The following ZBTB20 variants were observed in gnomAD, a reference collection of about 807,000 sequenced individuals.
ZBTB20 encodes zinc finger and BTB domain-containing protein 20.
In ZBTB20, 9 loss-of-function variants were observed where a neutral mutation model predicts 56.9. The observed-to-expected ratio is 0.16, with a 90% confidence interval of 0.10 to 0.28. ZBTB20 has a LOEUF of 0.28. Ranked by LOEUF, ZBTB20 falls within the 10% of genes least tolerant of loss-of-function variation. The pLI, the probability that ZBTB20 is intolerant of heterozygous loss-of-function variation, is 1.00. For synonymous variants in ZBTB20, 417 were observed against 420.7 expected (o/e 0.99, Z 0.11); for missense variants, 655 against 1,003.0 (o/e 0.65, Z 4.69).
In ZBTB20 at chr3:114,350,540, G is replaced by C; in HGVS notation, c.1538C>G (p.Thr513Ser). 6.2e-7 allele frequency: 1 copy of C among 1,614,172 alleles called. No homozygotes were observed. Among genetic ancestry groups the C allele is most frequent in the Non-Finnish European group, 8.5e-7 (1 of 1,180,022 alleles). ...GGGGCCACTGCCCGCGGGCTGGGTA[G>C]TGAAGAGGGCTGGCAGGTAGGTGTT... is the stretch of plus-strand genomic sequence containing the variant. ...AGNTYLPALF[T>S]TQPAGSGPKP... Residue 513 changes from threonine (T) to serine (S), a missense_variant, in exon 11 of 12, where the codon ACT (threonine) becomes AGT (serine). Around this residue, in one of 10 missense-constraint regions of ZBTB20, gnomAD observed 71 missense variants for 89.4 expected, o/e 0.79. Coordinates refer to ENST00000675478, the MANE Select transcript of ZBTB20 (RefSeq NM_001348800.3).
At chr3:114,611,254 A>C (rs1327873651) in intron 6 of ZBTB20, among the ~76,000 whole-genome samples, 1 of 152,226 alleles carries the variant, frequency 6.6e-6, no homozygotes, top group East Asian at 1.9e-4. Flanking sequence ...CGGCAGTCCT[A>C]TCTATACCGG....
chr3:114,410,514 C>A (rs558714478), intron 7 of ZBTB20, among the ~76,000 whole-genome samples: 1 of 152,222 alleles, frequency 6.6e-6, no homozygotes, highest in South Asian at 2.1e-4. Flanking sequence ...TCTGCATTCT[C>A]CAGAACAAAA....
chr3:115,047,902 C>T (rs2081390774), intron 2 of ZBTB20, among the ~76,000 whole-genome samples: 1 of 152,092 alleles, frequency 6.6e-6, no homozygotes, highest in African/African-American at 2.4e-5. Flanking sequence ...TTGCAATAAA[C>T]AAAACTAATA....
intron 3 of ZBTB20, among the ~76,000 whole-genome samples, chr3:114,911,172 T>G (rs2075522494): frequency 6.6e-6 from 1 of 151,890 alleles, no homozygotes; most frequent in Admixed American, 6.6e-5. Context: ...TAGGGGGTTG[T>G]GAACACTAGT....
chr3:114,354,584 TTTG>T (rs1218929909), intron 10 of ZBTB20, among the ~76,000 whole-genome samples: 1 of 34,460 alleles, frequency 2.9e-5, no homozygotes, highest in Non-Finnish European at 8.8e-5. Context: ...TTTTGTTTTG[TTTG>T]TTTTTTTTTT....
intron 7 of ZBTB20, among the ~76,000 whole-genome samples, chr3:114,390,907 T>C (rs2085807435): frequency 1.3e-5 from 2 of 152,196 alleles, no homozygotes; most frequent in South Asian, 4.1e-4. Context: ...CTGTTCCTTC[T>C]CTAGACGTCC....
At chr3:114,844,330 A>AATATATATATATATATATAT (rs71146341) in intron 4 of ZBTB20, among the ~76,000 whole-genome samples, 20 of 99,256 alleles carry the variant, frequency 2.0e-4, no homozygotes, top group African/African-American at 3.6e-4. Flanking sequence ...TACTGGAGTA[A>AATATATATATATATATATAT]ATATATATAT....
intron 6 of ZBTB20, among the ~76,000 whole-genome samples, chr3:114,687,058 C>G (rs2062384209): frequency 6.6e-6 from 1 of 152,124 alleles, no homozygotes; most frequent in Non-Finnish European, 1.5e-5. Flanking sequence ...CTGAGCAAAC[C>G]ACAGCATGGG....
chr3:114,560,214 CAGTA>C (rs1446554242), intron 6 of ZBTB20, among the ~76,000 whole-genome samples: 2 of 152,058 alleles, frequency 1.3e-5, no homozygotes, highest in Non-Finnish European at 2.9e-5. Context: ...TGTATTGCTA[CAGTA>C]AGTAAGAATA....
chr3:114,530,047 C>A (rs1304458999), intron 6 of ZBTB20, among the ~76,000 whole-genome samples: 1 of 152,164 alleles, frequency 6.6e-6, no homozygotes, highest in East Asian at 1.9e-4. Flanking sequence ...ATTCCTAATG[C>A]CTAGTGATGT....
chr3:114,431,817 G>C (rs147638716), intron 7 of ZBTB20, among the ~76,000 whole-genome samples: 2 of 152,250 alleles, frequency 1.3e-5, no homozygotes, highest in African/African-American at 4.8e-5. Flanking sequence ...CTGTTTAACA[G>C]ACCAAATGCT....
intron 3 of ZBTB20, among the ~76,000 whole-genome samples, chr3:114,964,243 C>T (rs2077559931): frequency 6.6e-6 from 1 of 151,972 alleles, no homozygotes; most frequent in Admixed American, 6.6e-5. Context: ...GGTGAAACCC[C>T]GTCTCTACCA....
At chr3:114,903,333 T>C (rs953358555) in intron 3 of ZBTB20, among the ~76,000 whole-genome samples, 7 of 152,094 alleles carry the variant, frequency 4.6e-5, no homozygotes, top group African/African-American at 7.2e-5. Context: ...GTGCCAGCCA[T>C]GAGGTAAGCA....
In ZBTB20 at chr3:114,937,996, G is replaced by A. The variant is rs2076601647; in HGVS notation, c.-456+36370C>T. Reference sequence around the variant, plus strand: ...GCCTGTAGTCTGGGACTACTTGGGAGGCTGAGGCAGGAGAATGGCGTGGAG... The same window carrying A: ...GCCTGTAGTCTGGGACTACTTGGGAAGCTGAGGCAGGAGAATGGCGTGGAG... On this transcript the variant is annotated intron_variant, in intron 3 of 11. Transcript: ENST00000675478. Among the ~76,000 whole-genome samples, 6 of 151,936 alleles carry A rather than the reference G, an allele frequency of 3.9e-5. No homozygotes were observed. The South Asian group carries it at 1.2e-3, about 32-fold the overall frequency.
chr3:114,906,949 C>T (rs1296751443), intron 3 of ZBTB20, among the ~76,000 whole-genome samples: 14 of 151,718 alleles, frequency 9.2e-5, no homozygotes, highest in South Asian at 4.1e-4. Context: ...CCTTAGGTGA[C>T]GCAGTCTTCC....
intron 2 of ZBTB20, among the ~76,000 whole-genome samples, chr3:115,059,817 G>A (rs2081952680): frequency 6.6e-6 from 1 of 152,076 alleles, no homozygotes; most frequent in African/African-American, 2.4e-5. Flanking sequence ...AACAGAAGAA[G>A]ATATTATTTT....
In ZBTB20 at chr3:114,749,916, C is replaced by T. The variant is rs182853246; in HGVS notation, c.-343+51185G>A. On this transcript the variant is annotated intron_variant, in intron 5 of 11. Transcript: ENST00000675478. ...CACTCAATACATGGCAGCCAAATCA[C>T]CACATGCAGTAAAACCCAGATAAAA... Among the ~76,000 whole-genome samples, 10 of 152,286 alleles carry T rather than the reference C, an allele frequency of 6.6e-5. No homozygotes were observed. The East Asian group carries it at 1.7e-3, about 26-fold the overall frequency.
chr3:115,111,444 A>C (rs1263712992), intron 1 of ZBTB20, among the ~76,000 whole-genome samples: 1 of 152,204 alleles, frequency 6.6e-6, no homozygotes, highest in Non-Finnish European at 1.5e-5. Context: ...AATAAACTGC[A>C]AACCACTGTA....
intron 6 of ZBTB20, among the ~76,000 whole-genome samples, chr3:114,592,247 G>A (rs1450400193): frequency 6.6e-6 from 1 of 152,158 alleles, no homozygotes; most frequent in Non-Finnish European, 1.5e-5. Context: ...CAGAATTAAA[G>A]GCTCTGCTGG....
Sources: gnomAD v4.1 joint callset for allele counts (sites outside exome capture counted in the v4.1 genomes callset) on GRCh38, gnomAD v4.1.1 for gene constraint, gnomAD v4.1.1 regional missense constraint, MANE v1.5 for transcripts, NCBI Gene and HGNC (gene_info 2026-07-23, HGNC 2026-07-21) for gene names.